NOP58: variants seen among roughly 807,000 people sequenced by gnomAD.
NOP58 encodes NOP58 ribonucleoprotein.
NOP58 carries 44 observed loss-of-function variants against 71.2 expected under a neutral mutation model. The ratio of observed to expected loss-of-function variants is 0.62; its 90% CI spans 0.49 to 0.79. NOP58 has a LOEUF of 0.79. Among genes scored for constraint, NOP58 ranks in the 30% least tolerant of loss-of-function variants. The pLI is 0.00. For synonymous variants in NOP58, 228 were observed against 200.3 expected (o/e 1.14, Z -1.17); for missense variants, 538 against 620.2 (o/e 0.87, Z 1.41).
intron 1 of NOP58, 102 bp downstream of exon 1, chr2:202,266,088 T>C: frequency 7.4e-7 from 1 of 1,358,096 alleles, no homozygotes; most frequent in Non-Finnish European, 1.1e-6. Flanking sequence ...CGTGGGTGCC[T>C]GTTATAGCCC....
intron 1 of NOP58, among the ~76,000 whole-genome samples, chr2:202,271,554 G>T (rs562919046): frequency 7.2e-5 from 11 of 151,780 alleles, no homozygotes; most frequent in Admixed American, 6.6e-4. Flanking sequence ...CCGACAGAGC[G>T]CAAGACTCCG....
At chr2:202,302,669 G>A (rs1689114498) in intron 13 of NOP58, among the ~76,000 whole-genome samples, 1 of 152,172 alleles carries the variant, frequency 6.6e-6, no homozygotes, top group African/African-American at 2.4e-5. Flanking sequence ...TTGGAGATCA[G>A]ATGACCTTTG....
Position 202,265,934 on chromosome 2 carries a change from G to A in NOP58, c.-8G>A, listed in dbSNP as rs987167021. 14 of 1,614,100 alleles carry A rather than the reference G, an allele frequency of 8.7e-6. No individual in the cohort carries two copies. Among genetic ancestry groups the A allele is most frequent in the Non-Finnish European group, 1.2e-5 (14 of 1,180,038 alleles). Reference sequence around the variant, plus strand: ...GCAGGCCGTGCGGCGCCCTGACCCGGCCTCACCATGTTGGTGCTGTTTGAA... The same window carrying A: ...GCAGGCCGTGCGGCGCCCTGACCCGACCTCACCATGTTGGTGCTGTTTGAA... On this transcript the variant is annotated 5_prime_UTR_variant, in exon 1 of 15. Transcript: ENST00000264279.
intron 13 of NOP58, 92 bp downstream of exon 13, chr2:202,300,459 T>C: frequency 9.3e-7 from 1 of 1,072,560 alleles, no homozygotes; most frequent in Non-Finnish European, 1.3e-6. Flanking sequence ...CATCCCACTT[T>C]ATTATAAAAC....
chr2:202,276,412 C>A, intron 2 of NOP58: 1 of 493,952 alleles, frequency 2.0e-6, no homozygotes, highest in Non-Finnish European at 4.1e-6. Context: ...GGGTTATATG[C>A]TTTGTTGGGT....
chr2:202,271,164 G>A (rs1276749761), intron 1 of NOP58, among the ~76,000 whole-genome samples: 1 of 152,116 alleles, frequency 6.6e-6, no homozygotes, highest in East Asian at 1.9e-4. Flanking sequence ...CCAAGTATTA[G>A]ATAGGATGGG....
intron 8 of NOP58, among the ~76,000 whole-genome samples, chr2:202,292,239 G>A (rs1390898284): frequency 1.3e-5 from 2 of 150,810 alleles, no homozygotes; most frequent in Non-Finnish European, 1.5e-5. Flanking sequence ...TGATCCACCT[G>A]CCTCGACCTC....
At chr2:202,273,011 G>A (rs1413301005) in intron 1 of NOP58, among the ~76,000 whole-genome samples, 1 of 152,170 alleles carries the variant, frequency 6.6e-6, no homozygotes, top group East Asian at 1.9e-4. Context: ...GCAGGCGCCT[G>A]TAGTCCTGGA....
chr2:202,276,448 T>C (rs1231106402), intron 2 of NOP58: 2 of 513,924 alleles, frequency 3.9e-6, no homozygotes, highest in Admixed American at 2.0e-5. Flanking sequence ...TTGTCAATGA[T>C]GTATTCTTCT....
chr2:202,269,053 G>T (rs535742010), intron 1 of NOP58, among the ~76,000 whole-genome samples: 3 of 152,060 alleles, frequency 2.0e-5, no homozygotes, highest in Non-Finnish European at 4.4e-5. Context: ...GCAGTGGCAG[G>T]ATCATGGCTC....
intron 12 of NOP58, chr2:202,300,017 A>G (rs1175656127): frequency 2.3e-6 from 1 of 440,020 alleles, no homozygotes; most frequent in African/African-American, 2.1e-5. Context: ...CATTTAGCTC[A>G]CCACATCTCT....
chr2:202,272,931 G>A (rs1202712639), intron 1 of NOP58, among the ~76,000 whole-genome samples: 1 of 152,054 alleles, frequency 6.6e-6, no homozygotes, highest in Admixed American at 6.6e-5. Context: ...TCAGGAGATC[G>A]AGACTATCCT....
intron 1 of NOP58, among the ~76,000 whole-genome samples, chr2:202,272,886 A>G (rs1045622202): frequency 5.9e-5 from 9 of 152,278 alleles, no homozygotes; most frequent in Middle Eastern, 3.4e-3. Context: ...TGTAATCCCA[A>G]CACTTTGGGA....
intron 9 of NOP58, 80 bp downstream of exon 9, chr2:202,292,983 C>A: frequency 1.3e-6 from 2 of 1,495,712 alleles, no homozygotes; most frequent in Non-Finnish European, 1.9e-6. Context: ...CTTTAAACTA[C>A]AGCTGTTAAA....
chr2:202,291,561 C>T (rs148585524), intron 8 of NOP58: 1 of 200,306 alleles, frequency 5.0e-6, no homozygotes, highest in African/African-American at 2.3e-5. Flanking sequence ...AATCCCCGCA[C>T]TTTGGAAGGC....
chr2:202,298,414 G>A (rs1304793037), intron 12 of NOP58, among the ~76,000 whole-genome samples: 1 of 152,190 alleles, frequency 6.6e-6, no homozygotes, highest in East Asian at 1.9e-4. Flanking sequence ...ACTTTGGGAG[G>A]CTGAGGCAGG....
intron 6 of NOP58, among the ~76,000 whole-genome samples, chr2:202,289,825 G>C (rs544120279): frequency 1.3e-5 from 2 of 152,264 alleles, no homozygotes; most frequent in African/African-American, 4.8e-5. Context: ...AATGGGTACA[G>C]AATTTTTCAG....
At chr2:202,284,561 A>C (rs1028338368) in intron 5 of NOP58, 80 bp downstream of exon 5, 9 of 1,440,464 alleles carry the variant, frequency 6.2e-6, no homozygotes, top group Non-Finnish European at 7.6e-6. Context: ...GAATGTTACA[A>C]ATGCTCATTT....
chr2:202,282,509 A>C, intron 4 of NOP58, 37 bp downstream of exon 4: 1 of 1,583,472 alleles, frequency 6.3e-7, no homozygotes. Flanking sequence ...CCTGCTAGTC[A>C]GATCTCACAG....
Sources: allele counts gnomAD v4.1 joint callset (sites outside exome capture counted in the v4.1 genomes callset), GRCh38; gene constraint gnomAD v4.1.1; transcripts MANE v1.5; gene names NCBI Gene and HGNC (gene_info 2026-07-23, HGNC 2026-07-21).